Variants in DAB1 observed in about 807,000 individuals in gnomAD.
The protein encoded by DAB1 is DAB adaptor protein 1.
A neutral mutation model predicts 64.6 loss-of-function variants in DAB1; 15 were observed. The ratio of observed to expected loss-of-function variants is 0.23; its 90% CI spans 0.16 to 0.36. The LOEUF is 0.36. Ranked by LOEUF, DAB1 falls within the 10% of genes least tolerant of loss-of-function variation. DAB1 has a pLI of 1.00. For synonymous variants in DAB1, 235 were observed against 251.9 expected (o/e 0.93, Z 0.64); for missense variants, 596 against 706.7 (o/e 0.84, Z 1.78).
At chr1:58,433,602 T>A (rs1467262003) in intron 3 of DAB1, among the ~76,000 whole-genome samples, 1 of 141,122 alleles carries the variant, frequency 7.1e-6, no homozygotes, top group Admixed American at 7.1e-5. Context: ...AGAGAGTGTG[T>A]GTGTGTGTGT....
At chr1:57,774,832 G>T (rs188167363) in intron 6 of DAB1, among the ~76,000 whole-genome samples, 1 of 151,670 alleles carries the variant, frequency 6.6e-6, no homozygotes. Flanking sequence ...GAAAGATTTC[G>T]TGTGGGAGTG....
intron 5 of DAB1, among the ~76,000 whole-genome samples, chr1:57,934,124 A>G (rs745875894): frequency 6.9e-6 from 1 of 145,802 alleles, no homozygotes; most frequent in Non-Finnish European, 1.5e-5. Flanking sequence ...ACGAGGTTTC[A>G]CCATGTTGGT....
intron 7 of DAB1, among the ~76,000 whole-genome samples, chr1:57,571,461 C>T (rs180881017): frequency 1.9e-3 from 283 of 152,252 alleles, no homozygotes; most frequent in African/African-American, 6.5e-3. Context: ...CCTTGCAACC[C>T]AGCAGTTGAG....
chr1:57,922,003 T>C (rs1288213456), intron 5 of DAB1, among the ~76,000 whole-genome samples: 2 of 152,204 alleles, frequency 1.3e-5, no homozygotes, highest in Non-Finnish European at 2.9e-5. Flanking sequence ...GAACTTCCCA[T>C]ATAAAATCAT....
intron 5 of DAB1, among the ~76,000 whole-genome samples, chr1:58,085,994 C>T (rs1470943892): frequency 8.1e-6 from 1 of 123,284 alleles, no homozygotes; most frequent in Non-Finnish European, 1.6e-5. Context: ...GACGGAGTCT[C>T]GCTCTGTCGC....
chr1:57,959,687 G>C (rs1286641679), intron 5 of DAB1, among the ~76,000 whole-genome samples: 2 of 152,142 alleles, frequency 1.3e-5, no homozygotes, highest in Non-Finnish European at 2.9e-5. Flanking sequence ...AAACAATCCT[G>C]ATGAGAAGCT....
At position 58,374,884 on chromosome 1, in the gene DAB1, G is replaced by A. The variant is rs1005021987; in HGVS notation, n.258-31481C>T. Among the ~76,000 whole-genome samples the A allele has an allele frequency of 5.2e-4, 72 of 137,336 alleles. 2 individuals carry two copies. The East Asian group carries it at 0.013, about 24-fold the overall frequency. 90.1% of individuals were successfully genotyped at this position (137,336 alleles called of 152,430 possible). Reference sequence around the variant, plus strand: ...GCAGTGGTTTGTAGTTCTCCTTGAAGAGGTCCTTCACATCCCTTGTAAGTT... The same window carrying A: ...GCAGTGGTTTGTAGTTCTCCTTGAAAAGGTCCTTCACATCCCTTGTAAGTT... On this transcript the variant is annotated intron_variant and non_coding_transcript_variant, in intron 3 of 20. Transcript: ENST00000485760.
intron 1 of DAB1, among the ~76,000 whole-genome samples, chr1:57,297,479 C>T (rs1042764374): frequency 2.0e-5 from 3 of 151,866 alleles, no homozygotes; most frequent in Admixed American, 2.0e-4. Context: ...TCAGAAAAAA[C>T]ACATATACAT....
chr1:57,170,686 T>A (rs956484780), intron 2 of DAB1, among the ~76,000 whole-genome samples: 1 of 152,192 alleles, frequency 6.6e-6, no homozygotes, highest in Non-Finnish European at 1.5e-5. Flanking sequence ...GGCTCCATTG[T>A]CCCTTTTCTC....
At position 57,401,961 on chromosome 1, in the gene DAB1, A is replaced by G. The variant is rs531078298; in HGVS notation, c.-137+21969T>C. On this transcript the variant is annotated intron_variant, in intron 1 of 14. Coordinates refer to ENST00000371236, the MANE Select transcript of DAB1 (RefSeq NM_001365792.1). ...TCCAGCTGTAATAAAACAACACTAA[A>G]AAGTAAGCTGTGTTCATGACATTGC... 3.3e-5 allele frequency among the ~76,000 whole-genome samples: 5 copies of G among 152,316 alleles called. No individual in the cohort carries two copies. The South Asian group carries it at 1.0e-3, about 32-fold the overall frequency.
intron 6 of DAB1, among the ~76,000 whole-genome samples, chr1:57,693,046 A>G (rs2101716214): frequency 6.6e-6 from 1 of 152,216 alleles, no homozygotes; most frequent in East Asian, 1.9e-4. Context: ...TTCCTCTAGG[A>G]TCAAGGCCAT....
chr1:57,415,340 T>C lies in DAB1; in HGVS notation c.-137+8590A>G, dbSNP rs142639457. Among the ~76,000 whole-genome samples the C allele has an allele frequency of 9.9e-3, 1,477 of 148,666 alleles. 31 individuals are homozygous for C. Among genetic ancestry groups the C allele is most frequent in the African/African-American group, 0.035 (1,393 of 40,238 alleles). On this transcript the variant is annotated intron_variant, in intron 1 of 14. Coordinates refer to ENST00000371236, the MANE Select transcript of DAB1 (RefSeq NM_001365792.1). ...TAAATTTGAAAGGCAAACAAAACAA[T>C]AAAGCTTTTAGAAGACAACAAAGGA...
intron 1 of DAB1, among the ~76,000 whole-genome samples, chr1:57,374,184 T>A (rs982086017): frequency 4.8e-5 from 7 of 144,858 alleles, no homozygotes; most frequent in Non-Finnish European, 9.2e-5. Flanking sequence ...AATGAAAAAA[T>A]TGACTATTTT....
intron 4 of DAB1, among the ~76,000 whole-genome samples, chr1:58,187,901 A>G (rs1570462660): frequency 2.8e-5 from 3 of 105,492 alleles, no homozygotes; most frequent in Middle Eastern, 9.1e-3. Context: ...TTGACCTGTG[A>G]GATAAGAATT....
chr1:58,145,539 C>T (rs1207937982), intron 5 of DAB1, among the ~76,000 whole-genome samples: 1 of 152,226 alleles, frequency 6.6e-6, no homozygotes, highest in Non-Finnish European at 1.5e-5. Flanking sequence ...TAAGTTAATA[C>T]TGGCATCACA....
At chr1:58,119,671 G>A (rs749686142) in intron 5 of DAB1, among the ~76,000 whole-genome samples, 14 of 152,262 alleles carry the variant, frequency 9.2e-5, no homozygotes, top group Non-Finnish European at 2.1e-4. Context: ...AGGCAAGCTG[G>A]AGCAGAGAAA....
At chr1:57,840,927 C>A (rs1156325817) in intron 1 of DAB1, among the ~76,000 whole-genome samples, 1 of 152,204 alleles carries the variant, frequency 6.6e-6, no homozygotes, top group African/African-American at 2.4e-5. Context: ...GCCTTCCCAA[C>A]AGTCCCTCAA....
At chr1:58,400,652 G>A (rs1644561044) in intron 3 of DAB1, among the ~76,000 whole-genome samples, 1 of 152,186 alleles carries the variant, frequency 6.6e-6, no homozygotes, top group Non-Finnish European at 1.5e-5. Context: ...GAAAATCAAG[G>A]AGGAGAACTC....
intron 4 of DAB1, among the ~76,000 whole-genome samples, chr1:58,238,353 C>T (rs1660142574): frequency 6.6e-6 from 1 of 152,142 alleles, no homozygotes; most frequent in Non-Finnish European, 1.5e-5. Context: ...TGACGCAAGG[C>T]ACAAAGGGCA....
Sources: gnomAD v4.1 joint callset for allele counts (sites outside exome capture counted in the v4.1 genomes callset) on GRCh38, gnomAD v4.1.1 for gene constraint, MANE v1.5 for transcripts, NCBI Gene and HGNC (gene_info 2026-07-23, HGNC 2026-07-21) for gene names.